Variants in GGA2 observed in about 807,000 individuals in gnomAD.
GGA2 encodes golgi associated, gamma adaptin ear containing, ARF binding protein 2.
GGA2 carries 48 observed loss-of-function variants against 79.5 expected under a neutral mutation model. That is an observed-to-expected ratio of 0.60 (90% CI 0.48 to 0.77). The LOEUF (loss-of-function observed/expected upper bound fraction) is 0.77. Ranked by LOEUF, GGA2 falls within the 30% of genes least tolerant of loss-of-function variation. GGA2 has a pLI of 0.00. For synonymous variants in GGA2, 317 were observed against 302.0 expected, an observed-to-expected ratio of 1.05 and a Z score of -0.51; for missense variants, 770 against 774.0, an observed-to-expected ratio of 0.99 and a Z score of 0.06.
upstream of GGA2, among the ~76,000 whole-genome samples, chr16:23,511,318 AT>A (rs35947720): frequency 0.034 from 4,946 of 144,258 alleles, 184 homozygotes; most frequent in African/African-American, 0.094. Flanking sequence ...ACACCCAGCT[AT>A]TTTTTTTTTT....
At chr16:23,469,370 A>G (rs1041988699) in intron 15 of GGA2, 1 of 211,168 alleles carries the variant, frequency 4.7e-6, no homozygotes, top group African/African-American at 2.2e-5. Flanking sequence ...CAGAGGTAGT[A>G]GCAGAACATT....
intron 1 of GGA2, among the ~76,000 whole-genome samples, chr16:23,509,775 C>G (rs1184806046): frequency 2.0e-5 from 3 of 148,792 alleles, no homozygotes; most frequent in Non-Finnish European, 4.5e-5. Context: ...CACACACACA[C>G]GTGTGTGTGT....
At chr16:23,495,199 C>T (rs1375702350) in intron 2 of GGA2, 1 of 152,418 alleles carries the variant, frequency 6.6e-6, no homozygotes, top group Non-Finnish European at 1.5e-5. Context: ...ATAAAACCTT[C>T]CCCTTTTCCT....
rs1964427789 is a variant in GGA2 at position 23,465,690 on chromosome 16, C to G, written c.*1900G>C. 2.9e-6 allele frequency: 1 copy of G among 348,558 alleles called. No homozygotes were observed. Among genetic ancestry groups the G allele is most frequent in the Non-Finnish European group, 5.3e-6 (1 of 189,756 alleles). 21.6% of individuals were successfully genotyped at this position (348,558 alleles called of 1,614,324 possible). A position where few individuals can be genotyped will look rare whatever the true frequency, so the allele number is the denominator to read the frequency against. ...GTGCGGTGGCTCACGCCTGTAATCC[C>G]AGCACTCTGGGAGGCCAAGGCAGGC... On this transcript the variant is annotated 3_prime_UTR_variant, in exon 17 of 17. Coordinates refer to ENST00000309859, the MANE Select transcript of GGA2 (RefSeq NM_015044.4).
chr16:23,504,575 A>C (rs1387215867), intron 1 of GGA2, among the ~76,000 whole-genome samples: 1 of 152,222 alleles, frequency 6.6e-6, no homozygotes, highest in Non-Finnish European at 1.5e-5. Context: ...CTATTTCAGA[A>C]GACTTGAGCA....
intron 6 of GGA2, 138 bp from the exon 7 acceptor site, chr16:23,486,928 C>A: frequency 1.5e-6 from 1 of 681,102 alleles, no homozygotes; most frequent in Non-Finnish European, 2.7e-6. Flanking sequence ...GGTCCAAGGA[C>A]ACTACGATGC....
At chr16:23,467,777 G>A in intron 16 of GGA2, 77 bp from the exon 17 acceptor site, 1 of 764,856 alleles carries the variant, frequency 1.3e-6, no homozygotes, top group Non-Finnish European at 2.4e-6. Flanking sequence ...AGTCAAGTGA[G>A]TGTTTCAAAC....
intron 5 of GGA2, among the ~76,000 whole-genome samples, chr16:23,490,908 A>C (rs1452286967): frequency 6.6e-6 from 1 of 152,028 alleles, no homozygotes; most frequent in East Asian, 1.9e-4. Flanking sequence ...GTAAGGTTCC[A>C]CTATTTCAGG....
chr16:23,491,756 A>G lies in GGA2; in HGVS notation c.396T>C (p.Ile132=), dbSNP rs770309577. The G allele has an allele frequency of 1.5e-5, 24 of 1,612,066 alleles. No individual in the cohort carries two copies. The highest frequency in any genetic ancestry group is 7.7e-5 in the South Asian group (7 of 91,034). ...WATGKVKGRV[I]EILFSWTVWF... ...AGACTGTCCAACTGAAGAGTATTTC[A>G]ATGACTCTTCCTTTAACTTTTCCTG... Residue 132 remains isoleucine (I), a synonymous_variant, in exon 5 of 17, where the codon ATT becomes ATC. Coordinates refer to ENST00000309859, the MANE Select transcript of GGA2 (RefSeq NM_015044.4).
rs1269230682 is a variant in GGA2, at chr16:23,470,141, T to C, written c.1475A>G (p.Tyr492Cys). 3 of 1,605,454 alleles carry C rather than the reference T, an allele frequency of 1.9e-6. No individual in the cohort carries two copies. The highest frequency in any genetic ancestry group is 1.7e-5 in the Admixed American group (1 of 58,422). Reference protein sequence around the residue: ...KPSSLPPLIVYDRNGFRILLH... With the variant: ...KPSSLPPLIVCDRNGFRILLH... ...CAGAATTCTGAATCCATTCCGGTCA[T>C]ACACAATGAGAGGCGGCAGGCTGCC... The change falls in exon 15 of 17, where the codon TAT becomes TGT. Residue 492 changes from tyrosine (Y) to cysteine (C), a missense_variant. Tyr to Cys is a radical substitution (Grantham distance 194). Coordinates refer to ENST00000309859, the MANE Select transcript of GGA2 (RefSeq NM_015044.4).
intron 2 of GGA2, 117 bp downstream of exon 2, chr16:23,495,577 A>C: frequency 5.8e-6 from 3 of 518,704 alleles, no homozygotes; most frequent in Admixed American, 6.5e-5. Context: ...GATTATAGGC[A>C]TGAGCCACCG....
chr16:23,503,578 C>T (rs989014996), intron 1 of GGA2, among the ~76,000 whole-genome samples: 1 of 152,132 alleles, frequency 6.6e-6, no homozygotes, highest in Non-Finnish European at 1.5e-5. Flanking sequence ...AATGTACTTA[C>T]GATGAGTTTA....
chr16:23,483,798 C>T (rs1245839827), intron 8 of GGA2, among the ~76,000 whole-genome samples: 2 of 151,802 alleles, frequency 1.3e-5, no homozygotes, highest in Non-Finnish European at 2.9e-5. Flanking sequence ...CAGGCATGCG[C>T]CACCACGCCC....
chr16:23,495,506 A>T, intron 2 of GGA2, 188 bp downstream of exon 2: 1 of 392,496 alleles, frequency 2.5e-6, no homozygotes, highest in Non-Finnish European at 4.6e-6. Flanking sequence ...TCTGTCACCC[A>T]GGCAGGTCTC....
intron 1 of GGA2, among the ~76,000 whole-genome samples, chr16:23,496,451 A>C (rs944537121): frequency 6.6e-6 from 1 of 152,002 alleles, no homozygotes; most frequent in Non-Finnish European, 1.5e-5. Context: ...GACAGAAGAG[A>C]GGCCACCTGG....
chr16:23,505,966 C>A (rs1028195323), intron 1 of GGA2, among the ~76,000 whole-genome samples: 1 of 152,130 alleles, frequency 6.6e-6, no homozygotes, highest in African/African-American at 2.4e-5. Flanking sequence ...GAGTTAGTTT[C>A]AATTACTTGC....
At chr16:23,469,257 C>T (rs145019568) in intron 15 of GGA2, 111 of 382,554 alleles carry the variant, frequency 2.9e-4, no homozygotes, top group African/African-American at 1.9e-3. Flanking sequence ...GACGCAGCAT[C>T]AACAGCCAGG....
intron 1 of GGA2, 60 bp downstream of exon 1, chr16:23,510,261 G>A (rs1468065211): frequency 1.1e-5 from 12 of 1,127,824 alleles, no homozygotes; most frequent in Admixed American, 3.4e-5. Flanking sequence ...CCCGGGAGGC[G>A]GGAAGCGAGG....
intron 1 of GGA2, among the ~76,000 whole-genome samples, chr16:23,509,715 C>A (rs1965013507): frequency 1.3e-5 from 2 of 150,598 alleles, no homozygotes; most frequent in South Asian, 2.1e-4. Context: ...CATAATGAGA[C>A]CCCGTCTCTT....
Sources: gnomAD v4.1 joint callset for allele counts (sites outside exome capture counted in the v4.1 genomes callset) on GRCh38, gnomAD v4.1.1 for gene constraint, MANE v1.5 for transcripts, NCBI Gene and HGNC (gene_info 2026-07-23, HGNC 2026-07-21) for gene names.